Variants in PLEKHM3 observed in about 807,000 individuals in gnomAD.
PLEKHM3 encodes the protein pleckstrin homology domain-containing family M member 3.
In PLEKHM3, 45 loss-of-function variants were observed where a neutral mutation model predicts 81.8. That is an observed-to-expected ratio of 0.55 (90% CI 0.43 to 0.71). The LOEUF (loss-of-function observed/expected upper bound fraction) is 0.71. PLEKHM3 is among the 30% of genes least tolerant of loss of function. The pLI, the probability that PLEKHM3 is intolerant of heterozygous loss-of-function variation, is 0.00. For synonymous variants in PLEKHM3, 352 were observed against 356.4 expected, an observed-to-expected ratio of 0.99 and a Z score of 0.14; for missense variants, 788 against 924.3, an observed-to-expected ratio of 0.85 and a Z score of 1.91.
chr2:207,925,182 T>G (rs892444154), intron 5 of PLEKHM3, among the ~76,000 whole-genome samples: 1 of 150,226 alleles, frequency 6.7e-6, no homozygotes, highest in African/African-American at 2.5e-5. Context: ...GGTAAAAAAA[T>G]TAGAGAGTAT....
chr2:207,822,039 T>A lies in PLEKHM3; in HGVS notation c.*6280A>T, dbSNP rs184310939. 2 of 152,380 alleles carry A rather than the reference T, an allele frequency of 1.3e-5. No homozygotes were observed. The highest frequency in any genetic ancestry group is 2.1e-4 in the South Asian group (1 of 4,826). The allele number at this position is 152,380 out of a possible 1,614,324, so 9.4% of individuals were successfully genotyped here. A position where few individuals can be genotyped will look rare whatever the true frequency, so the allele number is the denominator to read the frequency against. On this transcript the variant is annotated 3_prime_UTR_variant, in exon 8 of 8. Coordinates refer to ENST00000427836, the MANE Select transcript of PLEKHM3 (RefSeq NM_001080475.3). ...GGTCTCACCATATTGCACAGGCTCC[T>A]GGGCTCAAGCAATCTACCCACTTCA... is the stretch of plus-strand genomic sequence containing the variant.
chr2:207,856,911 C>T (rs1030926576), intron 7 of PLEKHM3, among the ~76,000 whole-genome samples: 1 of 151,974 alleles, frequency 6.6e-6, no homozygotes, highest in African/African-American at 2.4e-5. Context: ...GAGAATCATA[C>T]TTTGCATGAT....
At chr2:207,855,866 T>C (rs368839813) in intron 7 of PLEKHM3, among the ~76,000 whole-genome samples, 4 of 152,092 alleles carry the variant, frequency 2.6e-5, no homozygotes, top group African/African-American at 4.8e-5. Flanking sequence ...AAATATAATA[T>C]GGTATCCGGG....
chr2:207,855,692 C>T (rs1184643769), intron 7 of PLEKHM3, among the ~76,000 whole-genome samples: 2 of 152,106 alleles, frequency 1.3e-5, no homozygotes, highest in African/African-American at 4.8e-5. Context: ...GCCTTCCTCC[C>T]CAAACCCATA....
chr2:207,840,360 A>T (rs952686871), intron 7 of PLEKHM3, among the ~76,000 whole-genome samples: 10 of 151,558 alleles, frequency 6.6e-5, no homozygotes, highest in Admixed American at 2.6e-4. Flanking sequence ...CTGGCTAATT[A>T]AAAAAACCAT....
At chr2:207,831,542 T>C (rs1260661437) in intron 7 of PLEKHM3, among the ~76,000 whole-genome samples, 1 of 152,256 alleles carries the variant, frequency 6.6e-6, no homozygotes, top group Non-Finnish European at 1.5e-5. Flanking sequence ...ATTTGTAAAA[T>C]GCTGCTCACG....
At chr2:207,986,008 C>G (rs1315577756) in intron 2 of PLEKHM3, among the ~76,000 whole-genome samples, 6 of 151,098 alleles carry the variant, frequency 4.0e-5, no homozygotes, top group Non-Finnish European at 7.4e-5. Flanking sequence ...AAAAAAAATA[C>G]CATGTTCCAG....
chr2:207,928,210 T>C (rs1302459238), intron 5 of PLEKHM3, among the ~76,000 whole-genome samples: 5 of 152,202 alleles, frequency 3.3e-5, no homozygotes, highest in African/African-American at 1.2e-4. Flanking sequence ...TCTGTAGGAA[T>C]CAATGTCTCA....
Position 207,895,165 on chromosome 2 carries a change from C to T in PLEKHM3, c.1950+13349G>A, listed in dbSNP as rs1688181286. ...CTAAAGGATAAACTGTTGCTGTCAT[C>T]CTGGGTCGTGAGTTTTCTGGCCATC... On this transcript the variant is annotated intron_variant, in intron 6 of 7. Transcript: ENST00000427836. 1.3e-5 allele frequency among the ~76,000 whole-genome samples: 2 copies of T among 152,180 alleles called. 1 individual carries two copies. The highest frequency in any genetic ancestry group is 1.3e-4 in the Admixed American group (2 of 15,272).
chr2:207,928,674 A>T (rs769297067), intron 5 of PLEKHM3, among the ~76,000 whole-genome samples: 29 of 152,242 alleles, frequency 1.9e-4, no homozygotes, highest in Non-Finnish European at 4.4e-5. Context: ...CTTGAATTCT[A>T]TACTTCTATT....
At chr2:207,889,020 G>A (rs539076853) in intron 6 of PLEKHM3, among the ~76,000 whole-genome samples, 93 of 152,134 alleles carry the variant, frequency 6.1e-4, no homozygotes, top group Non-Finnish European at 1.1e-3. Flanking sequence ...CCTATAAATG[G>A]CCTCTATGTT....
intron 1 of PLEKHM3, among the ~76,000 whole-genome samples, chr2:208,018,622 T>C (rs979368443): frequency 2.6e-5 from 4 of 152,124 alleles, no homozygotes; most frequent in Non-Finnish European, 5.9e-5. Flanking sequence ...ATTGGCCACA[T>C]CTATCCATTT....
intron 5 of PLEKHM3, among the ~76,000 whole-genome samples, chr2:207,915,434 C>T (rs1378551843): frequency 6.6e-6 from 1 of 152,072 alleles, no homozygotes; most frequent in Non-Finnish European, 1.5e-5. Flanking sequence ...AAGTTCAACT[C>T]AGCTCCCACC....
At chr2:207,853,733 A>C (rs533136475) in intron 7 of PLEKHM3, among the ~76,000 whole-genome samples, 1 of 152,220 alleles carries the variant, frequency 6.6e-6, no homozygotes, top group South Asian at 2.1e-4. Context: ...GTCGCCAAAC[A>C]AACAAACAAA....
intron 1 of PLEKHM3, among the ~76,000 whole-genome samples, chr2:208,013,667 T>C (rs1378898252): frequency 1.3e-5 from 2 of 152,238 alleles, no homozygotes; most frequent in East Asian, 3.8e-4. Context: ...CTTCACAAGC[T>C]GTTCAAGTCT....
chr2:208,015,577 T>C (rs1692877782), intron 1 of PLEKHM3, among the ~76,000 whole-genome samples: 1 of 152,232 alleles, frequency 6.6e-6, no homozygotes, highest in African/African-American at 2.4e-5. Flanking sequence ...AAAGTTGTTC[T>C]CTAACTAAAT....
intron 7 of PLEKHM3, among the ~76,000 whole-genome samples, chr2:207,842,660 T>C (rs2092360993): frequency 6.6e-6 from 1 of 152,174 alleles, no homozygotes. Flanking sequence ...AGAACATTCG[T>C]TGGAACTTCT....
intron 1 of PLEKHM3, among the ~76,000 whole-genome samples, chr2:208,008,512 A>C (rs1692578001): frequency 6.7e-6 from 1 of 149,460 alleles, no homozygotes; most frequent in Non-Finnish European, 1.5e-5. Context: ...AAAAAAAAAA[A>C]AAAAAAAAAA....
intron 6 of PLEKHM3, among the ~76,000 whole-genome samples, chr2:207,885,148 C>T (rs1427931422): frequency 6.6e-6 from 1 of 152,182 alleles, no homozygotes; most frequent in African/African-American, 2.4e-5. Flanking sequence ...GATCCGGTGG[C>T]GTGGGAATGT....
Sources: gnomAD v4.1 joint callset for allele counts (sites outside exome capture counted in the v4.1 genomes callset) on GRCh38, gnomAD v4.1.1 for gene constraint, MANE v1.5 for transcripts, NCBI Gene and HGNC (gene_info 2026-07-23, HGNC 2026-07-21) for gene names.